The following RIN2 variants were observed in gnomAD, a reference collection of about 807,000 sequenced individuals.
RIN2 encodes RAB5 interacting protein 2.
RIN2 carries 36 observed loss-of-function variants against 78.0 expected under a neutral mutation model. That is an observed-to-expected ratio of 0.46 (90% CI 0.35 to 0.61). The LOEUF (loss-of-function observed/expected upper bound fraction) is 0.61, where lower values mean the gene tolerates loss of function less well. Among genes scored for constraint, RIN2 ranks in the 20% least tolerant of loss-of-function variants. The probability of loss-of-function intolerance (pLI) is 0.00; values close to 1 mark genes in which losing one functional copy is unlikely to be tolerated. For missense variants in RIN2, 1,087 were observed against 1,159.7 expected, an observed-to-expected ratio of 0.94 and a Z score of 0.91; for synonymous variants, 466 against 466.8, an observed-to-expected ratio of 1.00 and a Z score of 0.02.
At chr20:19,814,485 G>A (rs1008186234) in intron 2 of RIN2, among the ~76,000 whole-genome samples, 5 of 151,324 alleles carry the variant, frequency 3.3e-5, no homozygotes, top group African/African-American at 9.7e-5. Context: ...CACTGATTAC[G>A]ACAACAATCA....
At chr20:19,992,575 T>C (rs1227707798) in intron 11 of RIN2, among the ~76,000 whole-genome samples, 1 of 152,206 alleles carries the variant, frequency 6.6e-6, no homozygotes, top group Non-Finnish European at 1.5e-5. Context: ...TAAAAGAGTG[T>C]ACTAACCTTT....
rs907619562 is a variant in RIN2, at chr20:19,974,732, G to A, written c.707G>A (p.Cys236Tyr). ...PHRPLSSDGV[C>Y]PASLRQLCLI... ...AGGCCTCTTTCCTCCGACGGTGTCT[G>A]TCCTGCCTCCCTGCGTCAGCTCTGC... The change falls in exon 9 of 13, where the codon TGT (cysteine) becomes TAT (tyrosine). Residue 236 changes from cysteine to tyrosine, a missense_variant. Cys to Tyr is a radical substitution (Grantham distance 194). Around this residue, in one of 8 missense-constraint regions of RIN2, gnomAD observed 706 missense variants for 667.5 expected, o/e 1.06. Coordinates refer to ENST00000255006, the MANE Select transcript of RIN2 (RefSeq NM_018993.4). 1.9e-6 allele frequency: 3 copies of A among 1,613,898 alleles called. No individual in the cohort carries two copies. Among genetic ancestry groups the A allele is most frequent in the South Asian group, 2.2e-5 (2 of 91,086 alleles).
intron 2 of RIN2, chr20:19,823,907 C>T (rs370972930): frequency 6.9e-6 from 11 of 1,592,856 alleles, no homozygotes; most frequent in South Asian, 5.6e-5. Context: ...CTCAGGTATA[C>T]GACTTTGATC....
chr20:19,759,818 T>C (rs913248928), intron 1 of RIN2, among the ~76,000 whole-genome samples: 1 of 152,066 alleles, frequency 6.6e-6, no homozygotes, highest in Non-Finnish European at 1.5e-5. Flanking sequence ...AAGCCGACAT[T>C]GTGCCACTCC....
At chr20:19,976,869 G>A (rs910354881) in intron 9 of RIN2, among the ~76,000 whole-genome samples, 5 of 151,480 alleles carry the variant, frequency 3.3e-5, no homozygotes, top group East Asian at 1.9e-4. Flanking sequence ...CTTTTTTCTC[G>A]TTTAAGTGAT....
intron 2 of RIN2, chr20:19,889,287 AACAC>A (rs2038332609): frequency 8.9e-7 from 1 of 1,121,384 alleles, no homozygotes; most frequent in Non-Finnish European, 1.1e-6. Context: ...CAGGAGGTGA[AACAC>A]ACAAAGTAAT....
At position 19,956,694 on chromosome 20, in the gene RIN2, C is replaced by T; in HGVS notation, c.238C>T (p.Leu80Phe). 6.2e-7 allele frequency: 1 copy of T among 1,612,678 alleles called. No individual in the cohort carries two copies. Among genetic ancestry groups the T allele is most frequent in the South Asian group, 1.1e-5 (1 of 90,704 alleles). The change falls in exon 5 of 13, where the codon CTC becomes TTC. Residue 80 changes from leucine to phenylalanine, a missense_variant. By Grantham distance (22) the Leu-to-Phe change is conservative. This residue lies in a region of RIN2 where 706 missense variants were observed against 667.5 expected (regional missense o/e 1.06). Transcript: ENST00000255006. ...TGCCCGGGACTCAGGCTATGACAGC[C>T]TCTCCAACAGGCTCAGCATCTTGGA... ...TCARDSGYDS[L>F]SNRLSILDRL...
rs201242500 is a variant in RIN2, at chr20:19,790,397, G to A, written c.-162-9225G>A. Among the ~76,000 whole-genome samples the A allele has an allele frequency of 3.3e-5, 5 of 152,124 alleles. No homozygotes were observed. In the South Asian group the frequency reaches 6.2e-4, roughly 19 times the overall value. On this transcript the variant is annotated intron_variant, in intron 1 of 12. Transcript: ENST00000255006. The stretch of plus-strand genomic sequence containing the variant: ...CTTTCATTCTCTATTTGTGTATGTG[G>A]GTTTAGGGAAGGGGACTTTTTATCC...
intron 4 of RIN2, among the ~76,000 whole-genome samples, chr20:19,955,382 G>A (rs1226802996): frequency 6.6e-6 from 1 of 151,776 alleles, no homozygotes; most frequent in Admixed American, 6.6e-5. Flanking sequence ...TGTTGTCCAG[G>A]CTGGAGTGCA....
Position 19,785,383 on chromosome 20 carries a change from C to G in RIN2, c.-162-14239C>G, listed in dbSNP as rs73291556. Reference sequence around the variant, plus strand: ...ACTTTCATATGCTAAAAAACCCAACCTTTAATAAAAAAATCAGAACTAAAA... The same window carrying G: ...ACTTTCATATGCTAAAAAACCCAACGTTTAATAAAAAAATCAGAACTAAAA... On this transcript the variant is annotated intron_variant, in intron 1 of 12. Coordinates refer to ENST00000255006, the MANE Select transcript of RIN2 (RefSeq NM_018993.4). Among the ~76,000 whole-genome samples the G allele has an allele frequency of 1.1e-3, 165 of 152,172 alleles. 2 individuals carry two copies. The highest frequency in any genetic ancestry group is 3.5e-3 in the African/African-American group (147 of 41,500).
intron 4 of RIN2, among the ~76,000 whole-genome samples, chr20:19,946,733 A>AAG (rs71198037): frequency 3.4e-5 from 5 of 147,784 alleles, no homozygotes; most frequent in Admixed American, 1.3e-4. Context: ...AAAAAAAAAA[A>AAG]GGGAAAAGCA....
chr20:19,884,020 C>G (rs1383119117), intron 2 of RIN2, among the ~76,000 whole-genome samples: 1 of 150,130 alleles, frequency 6.7e-6, no homozygotes, highest in Non-Finnish European at 1.5e-5. Flanking sequence ...AGGCTGGTCT[C>G]AAACTCCTGG....
chr20:19,767,332 T>A (rs1014880812), intron 1 of RIN2, among the ~76,000 whole-genome samples: 1 of 152,210 alleles, frequency 6.6e-6, no homozygotes, highest in African/African-American at 2.4e-5. Flanking sequence ...AATGCTCTTA[T>A]GACCTATAGT....
chr20:19,932,087 T>C (rs1019847562), intron 3 of RIN2, among the ~76,000 whole-genome samples: 2 of 152,202 alleles, frequency 1.3e-5, no homozygotes, highest in African/African-American at 4.8e-5. Context: ...GAAATTTAAT[T>C]GCCATTGTAA....
intron 2 of RIN2, among the ~76,000 whole-genome samples, chr20:19,863,438 GT>G (rs1464006188): frequency 6.6e-6 from 1 of 152,148 alleles, no homozygotes; most frequent in African/African-American, 2.4e-5. Flanking sequence ...GGGAGTTAAT[GT>G]CCCCACAAGC....
At chr20:19,788,889 A>G (rs1324914832) in intron 1 of RIN2, among the ~76,000 whole-genome samples, 1 of 152,226 alleles carries the variant, frequency 6.6e-6, no homozygotes, top group East Asian at 1.9e-4. Flanking sequence ...TAGCAGAATT[A>G]TTTTCTGTTT....
chr20:19,902,422 C>A (rs1007290143), intron 3 of RIN2, among the ~76,000 whole-genome samples: 1 of 152,194 alleles, frequency 6.6e-6, no homozygotes, highest in Non-Finnish European at 1.5e-5. Context: ...TGTCCCTCAC[C>A]GCTGTCCTTT....
chr20:19,904,781 AC>A (rs1371980308), intron 3 of RIN2, among the ~76,000 whole-genome samples: 1 of 152,120 alleles, frequency 6.6e-6, no homozygotes, highest in Non-Finnish European at 1.5e-5. Context: ...CATAAAGCTC[AC>A]CCGGCATTAG....
At chr20:19,935,313 T>C in intron 4 of RIN2, 114 bp downstream of exon 4, 3 of 1,250,324 alleles carry the variant, frequency 2.4e-6, no homozygotes, top group Non-Finnish European at 3.3e-6. Context: ...GGGAGTGTGG[T>C]AGCAGCTCTA....
Sources: allele counts gnomAD v4.1 joint callset (sites outside exome capture counted in the v4.1 genomes callset), GRCh38; gene constraint gnomAD v4.1.1; regional missense constraint gnomAD v4.1.1; transcripts MANE v1.5; gene names NCBI Gene and HGNC (gene_info 2026-07-23, HGNC 2026-07-21).